The following ATXN1 variants were observed in gnomAD, a reference collection of about 807,000 sequenced individuals.
ATXN1 encodes the protein ataxin 1.
In ATXN1, 8 loss-of-function variants were observed where a neutral mutation model predicts 56.4. That is an observed-to-expected ratio of 0.14 (90% CI 0.08 to 0.26). The LOEUF is 0.26. Among genes scored for constraint, ATXN1 ranks in the 10% least tolerant of loss-of-function variants. The pLI is 1.00. For synonymous variants in ATXN1, 514 were observed against 494.6 expected (o/e 1.04, Z -0.52); for missense variants, 987 against 1,106.5 (o/e 0.89, Z 1.53).
chr6:16,334,088 C>A (rs1761056556), intron 6 of ATXN1, among the ~76,000 whole-genome samples: 1 of 152,116 alleles, frequency 6.6e-6, no homozygotes, highest in South Asian at 2.1e-4. Context: ...AAATGGTATG[C>A]CAGAACTCTA....
At chr6:16,584,091 C>T (rs1203213314) in intron 4 of ATXN1, among the ~76,000 whole-genome samples, 3 of 151,558 alleles carry the variant, frequency 2.0e-5, no homozygotes, top group African/African-American at 7.3e-5. Flanking sequence ...GTAACTTGCC[C>T]AATGTCACAC....
chr6:16,391,119 G>A (rs1000939930), intron 6 of ATXN1, among the ~76,000 whole-genome samples: 4 of 135,368 alleles, frequency 3.0e-5, no homozygotes, highest in South Asian at 2.3e-4. Flanking sequence ...CCGAGATTGC[G>A]TCACTGCACT....
At chr6:16,667,675 T>C (rs556877578) in intron 2 of ATXN1, 9 of 152,328 alleles carry the variant, frequency 5.9e-5, no homozygotes, top group African/African-American at 2.2e-4. Context: ...CAGTCATCTC[T>C]AAGGCACCAC....
intron 2 of ATXN1, among the ~76,000 whole-genome samples, chr6:16,702,413 A>T (rs1365473947): frequency 1.3e-5 from 2 of 152,216 alleles, no homozygotes; most frequent in Admixed American, 1.3e-4. Context: ...ACCATTCAGG[A>T]CATAGGCATG....
chr6:16,651,122 A>C (rs1157675951), intron 3 of ATXN1, among the ~76,000 whole-genome samples: 1 of 152,244 alleles, frequency 6.6e-6, no homozygotes, highest in Non-Finnish European at 1.5e-5. Context: ...AATGGAACAC[A>C]GAAAGAAAAG....
intron 4 of ATXN1, among the ~76,000 whole-genome samples, chr6:16,584,235 TATATATATACACAC>T (rs1356590790): frequency 7.8e-6 from 1 of 128,562 alleles, no homozygotes; most frequent in Non-Finnish European, 1.6e-5. Flanking sequence ...TATATATATA[TATATATATACACAC>T]ACACACACAC....
At chr6:16,587,714 C>A (rs1172817391) in intron 3 of ATXN1, among the ~76,000 whole-genome samples, 1 of 151,904 alleles carries the variant, frequency 6.6e-6, no homozygotes, top group Non-Finnish European at 1.5e-5. Context: ...GGGAGGATCA[C>A]CTGAGGTCAG....
intron 5 of ATXN1, among the ~76,000 whole-genome samples, chr6:16,492,465 CA>C (rs547153617): frequency 1.2e-4 from 17 of 145,486 alleles, no homozygotes; most frequent in Middle Eastern, 3.6e-3. Context: ...GATGCACACA[CA>C]AAAAAAAATA....
chr6:16,561,335 A>G (rs1206055643), intron 4 of ATXN1, among the ~76,000 whole-genome samples: 5 of 152,188 alleles, frequency 3.3e-5, no homozygotes, highest in Non-Finnish European at 7.3e-5. Flanking sequence ...TATTTTTGCA[A>G]TTACAGGAGT....
chr6:16,399,587 G>A (rs892950485), intron 6 of ATXN1, among the ~76,000 whole-genome samples: 1 of 152,182 alleles, frequency 6.6e-6, no homozygotes, highest in Non-Finnish European at 1.5e-5. Context: ...GGCAGCAAGC[G>A]GGGAGGGAAG....
chr6:16,582,842 G>T (rs543892809), intron 4 of ATXN1, among the ~76,000 whole-genome samples: 2 of 152,240 alleles, frequency 1.3e-5, no homozygotes, highest in Non-Finnish European at 1.5e-5. Flanking sequence ...TTTGTAGTTT[G>T]GGAGGAAGCT....
At chr6:16,355,834 G>A (rs559241886) in intron 6 of ATXN1, among the ~76,000 whole-genome samples, 1 of 152,162 alleles carries the variant, frequency 6.6e-6, no homozygotes, top group East Asian at 1.9e-4. Context: ...AAAGTGCTGG[G>A]ATTACAGGCG....
intron 6 of ATXN1, among the ~76,000 whole-genome samples, chr6:16,343,644 G>T (rs1384477933): frequency 6.6e-6 from 1 of 152,258 alleles, no homozygotes; most frequent in Non-Finnish European, 1.5e-5. Context: ...AAAGCTGGCC[G>T]ATATCCCTGT....
intron 4 of ATXN1, among the ~76,000 whole-genome samples, chr6:16,581,970 C>T (rs1762538622): frequency 6.6e-6 from 1 of 152,178 alleles, no homozygotes. Context: ...GCATCATTTA[C>T]ATTACCTAAA....
At chr6:16,695,397 C>T (rs972706000) in intron 2 of ATXN1, among the ~76,000 whole-genome samples, 4 of 152,154 alleles carry the variant, frequency 2.6e-5, no homozygotes, top group Non-Finnish European at 4.4e-5. Context: ...GCAGTAGAAG[C>T]AGAAGTAGCA....
intron 2 of ATXN1, among the ~76,000 whole-genome samples, chr6:16,732,233 C>T (rs1760005847): frequency 6.6e-6 from 1 of 152,048 alleles, no homozygotes; most frequent in East Asian, 1.9e-4. Context: ...TCAATCTCAT[C>T]GTTATACTGC....
chr6:16,629,209 G>A (rs1272171296), intron 3 of ATXN1, among the ~76,000 whole-genome samples: 6 of 152,090 alleles, frequency 3.9e-5, no homozygotes, highest in South Asian at 2.1e-4. Flanking sequence ...TTTGATTTGC[G>A]TTGCTCTAAT....
chr6:16,725,606 C>A (rs879936725), intron 2 of ATXN1, among the ~76,000 whole-genome samples: 1 of 152,180 alleles, frequency 6.6e-6, no homozygotes, highest in Non-Finnish European at 1.5e-5. Flanking sequence ...AAGTATTTCT[C>A]TTCCTTCCTC....
intron 2 of ATXN1, among the ~76,000 whole-genome samples, chr6:16,671,540 TCA>T (rs1379544627): frequency 2.6e-5 from 4 of 152,180 alleles, no homozygotes; most frequent in African/African-American, 9.7e-5. Flanking sequence ...CTACTATGTG[TCA>T]CAAAGTTCAT....
Sources: gnomAD v4.1 joint callset for allele counts (sites outside exome capture counted in the v4.1 genomes callset) on GRCh38, gnomAD v4.1.1 for gene constraint, MANE v1.5 for transcripts, NCBI Gene and HGNC (gene_info 2026-07-23, HGNC 2026-07-21) for gene names.